SNURF: variants seen among roughly 807,000 people sequenced by gnomAD.
SNURF encodes the protein SNRPN upstream open reading frame, also known as SNURF protein.
Under a neutral mutation model 11.6 loss-of-function variants are expected in SNURF, and 6 were observed. The observed-to-expected ratio is 0.52, with a 90% CI of 0.28 to 1.02. The LOEUF is 1.02. Ranked by LOEUF, SNURF falls within the 50% of genes least tolerant of loss-of-function variation. The probability of loss-of-function intolerance (pLI) is 0.09; values close to 1 mark genes in which losing one functional copy is unlikely to be tolerated. For synonymous variants in SNURF, 29 were observed against 31.6 expected, an observed-to-expected ratio of 0.92 and a Z score of 0.27; for missense variants, 84 against 88.4, an observed-to-expected ratio of 0.95 and a Z score of 0.20.
At chr15:24,962,006 A>T in intron 1 of SNURF, 108 bp from the exon 2 acceptor site, 2 of 984,494 alleles carry the variant, frequency 2.0e-6, no homozygotes, top group Non-Finnish European at 3.2e-6. Context: ...TTTTAATTAG[A>T]TTTAAAAATC....
Position 24,960,581 on chromosome 15 carries a change from A to G in SNURF, c.15-1533A>G, listed in dbSNP as rs145213017. 1.3e-4 allele frequency among the ~76,000 whole-genome samples: 20 copies of G among 152,270 alleles called. No individual in the cohort carries two copies. The East Asian group carries it at 2.5e-3, about 19-fold the overall frequency. On this transcript the variant is annotated intron_variant, in intron 1 of 2. Transcript: ENST00000577949. Reference sequence around the variant, plus strand: ...AAGTGATCGCTGGCCTCAGCCTTCCATGAACCATTGCGCCCTGCCTCATTG... The same window carrying G: ...AAGTGATCGCTGGCCTCAGCCTTCCGTGAACCATTGCGCCCTGCCTCATTG...
intron 1 of SNURF, among the ~76,000 whole-genome samples, chr15:24,959,532 A>G (rs1014313658): frequency 2.0e-5 from 3 of 152,126 alleles, no homozygotes; most frequent in African/African-American, 7.2e-5. Context: ...TTGACCTCAG[A>G]CCTTTCATAT....
chr15:24,955,862 C>T (rs2062771555), intron 1 of SNURF, among the ~76,000 whole-genome samples: 1 of 151,300 alleles, frequency 6.6e-6, no homozygotes, highest in Non-Finnish European at 1.5e-5. Context: ...AGGCGGTGGG[C>T]ATGGCGGCCG....
At chr15:24,974,384 TA>T in intron 3 of SNURF, 1 of 1,468,370 alleles carries the variant, frequency 6.8e-7, no homozygotes, top group South Asian at 1.1e-5. Context: ...CCTTTATCTA[TA>T]GCCTTCCCCT....
chr15:24,957,814 T>A, intron 1 of SNURF, among the ~76,000 whole-genome samples: 1 of 152,184 alleles, frequency 6.6e-6, no homozygotes, highest in Non-Finnish European at 1.5e-5. Flanking sequence ...TTTGGCTATT[T>A]GCAAGCTGAG....
At chr15:24,955,143 G>C in intron 1 of SNURF, 81 bp downstream of exon 1, 1 of 1,578,888 alleles carries the variant, frequency 6.3e-7, no homozygotes. Flanking sequence ...AAGTTTTTAG[G>C]ACTTGGAGTA....
downstream of SNURF, among the ~76,000 whole-genome samples, chr15:24,971,827 C>G (rs922377260): frequency 2.0e-5 from 3 of 152,214 alleles, no homozygotes; most frequent in African/African-American, 7.2e-5. Context: ...ATTTACAGAA[C>G]TGTGCAATCA....
At chr15:24,964,963 TGGG>T (rs1300652609) in intron 2 of SNURF, among the ~76,000 whole-genome samples, 7 of 152,310 alleles carry the variant, frequency 4.6e-5, no homozygotes, top group African/African-American at 1.2e-4. Context: ...GGTCTTGAGT[TGGG>T]GGAATGATCT....
chr15:24,976,775 A>G (rs2077110431), intron 5 of SNURF: 3 of 988,916 alleles, frequency 3.0e-6, no homozygotes, highest in Non-Finnish European at 4.7e-6. Context: ...AATATGAGAT[A>G]GGTGTCATGG....
exon 6 of SNURF, chr15:24,976,896 C>T (rs1226594172): frequency 6.2e-7 from 1 of 1,607,616 alleles, no homozygotes; most frequent in Non-Finnish European, 8.5e-7. Flanking sequence ...GCTCGGGTAC[C>T]ACTTGCTGGA....
chr15:24,962,355 A>T, intron 2 of SNURF, 146 bp downstream of exon 2: 1 of 727,904 alleles, frequency 1.4e-6, no homozygotes, highest in Admixed American at 2.2e-5. Flanking sequence ...AAAGCAATGA[A>T]ATTCTTAACC....
intron 3 of SNURF, among the ~76,000 whole-genome samples, chr15:24,974,127 T>C (rs1437741898): frequency 6.6e-6 from 1 of 152,170 alleles, no homozygotes; most frequent in East Asian, 1.9e-4. Flanking sequence ...CAGTCCTAAG[T>C]GTGTCAAATG....
At chr15:24,957,353 A>G (rs1338243152) in intron 1 of SNURF, among the ~76,000 whole-genome samples, 3 of 152,152 alleles carry the variant, frequency 2.0e-5, no homozygotes, top group Non-Finnish European at 2.9e-5. Flanking sequence ...AGTGGAGACA[A>G]TCTTATTGGG....
At chr15:24,966,772 A>G (rs2075702271) in intron 2 of SNURF, among the ~76,000 whole-genome samples, 1 of 152,172 alleles carries the variant, frequency 6.6e-6, no homozygotes, top group South Asian at 2.1e-4. Context: ...GTTACTGAAA[A>G]ACCATAGAAA....
chr15:24,976,226 T>TAA, intron 4 of SNURF: 10 of 1,078,120 alleles, frequency 9.3e-6, no homozygotes, highest in Non-Finnish European at 1.4e-5. Context: ...TCTTAATTGA[T>TAA]ACTTGAGGTT....
intron 3 of SNURF, chr15:24,974,347 A>G (rs994340059): frequency 8.7e-6 from 9 of 1,028,780 alleles, no homozygotes; most frequent in African/African-American, 4.7e-5. Context: ...CCCAGCTTGC[A>G]TTGTTTCTAG....
chr15:24,960,092 C>T (rs2074524063), intron 1 of SNURF, among the ~76,000 whole-genome samples: 1 of 152,078 alleles, frequency 6.6e-6, no homozygotes, highest in Admixed American at 6.5e-5. Flanking sequence ...TGGTGAAACC[C>T]TGTCTCTACT....
chr15:24,978,373 C>T, downstream of SNURF: 1 of 1,613,906 alleles, frequency 6.2e-7, no homozygotes, highest in South Asian at 1.1e-5. Context: ...ATATGTGTAT[C>T]CTCTTTTTCT....
intron 3 of SNURF, chr15:24,974,962 G>T: frequency 1.4e-6 from 1 of 703,012 alleles, no homozygotes; most frequent in Middle Eastern, 2.3e-4. Context: ...TCTCAGGTCA[G>T]ATTACAATAG....
Sources: allele counts gnomAD v4.1 joint callset (sites outside exome capture counted in the v4.1 genomes callset), GRCh38; gene constraint gnomAD v4.1.1; transcripts MANE v1.5; gene names NCBI Gene and HGNC (gene_info 2026-07-23, HGNC 2026-07-21).